Variants in BTLA observed in about 807,000 individuals in gnomAD.
BTLA encodes B- and T-lymphocyte attenuator.
In BTLA, 11 loss-of-function variants were observed where a neutral mutation model predicts 25.0. That is an observed-to-expected ratio of 0.44 (90% CI 0.28 to 0.73). The LOEUF is 0.73. Among genes scored for constraint, BTLA ranks in the 30% least tolerant of loss-of-function variants. BTLA has a pLI of 0.15. For synonymous variants in BTLA, 104 were observed against 119.8 expected, an observed-to-expected ratio of 0.87 and a Z score of 0.86; for missense variants, 282 against 332.8, an observed-to-expected ratio of 0.85 and a Z score of 1.19.
In BTLA at chr3:112,471,293, A is replaced by G; in HGVS notation, c.466T>C (p.Tyr156His). 8.7e-6 allele frequency: 14 copies of G among 1,614,062 alleles called. No homozygotes were observed. Among genetic ancestry groups the G allele is most frequent in the Non-Finnish European group, 1.1e-5 (13 of 1,179,924 alleles). Reference protein sequence around the residue: ...DEMASRPWLLYRLLPLGGLPL... With the variant: ...DEMASRPWLLHRLLPLGGLPL... ...AATCCCCCCAAAGGAAGTAAACGAT[A>G]CAGGAGCCAGGGTCTGCTTGCCATT... The change falls in exon 3 of 5, where the codon TAT (tyrosine) becomes CAT (histidine). Residue 156 changes from tyrosine to histidine, a missense_variant. Tyr to His is a moderately conservative substitution (Grantham distance 83, BLOSUM62 2). This residue lies in a region of BTLA where 163 missense variants were observed against 230.4 expected (regional missense o/e 0.71). Transcript: ENST00000334529.
rs1250500673 is a variant in BTLA, at chr3:112,465,462, T to G, written c.*646A>C. The G allele has an allele frequency of 6.6e-6, 1 of 152,664 alleles. No homozygotes were observed. The highest frequency in any genetic ancestry group is 2.4e-5 in the African/African-American group (1 of 41,464). The allele number at this position is 152,664 out of a possible 1,614,324, so 9.5% of individuals were successfully genotyped here. Reference sequence around the variant, plus strand: ...ATTAATACCTATATTTGCTTATCAATCTAACAGAGTAGATATAAGCATTTG... The same window carrying G: ...ATTAATACCTATATTTGCTTATCAAGCTAACAGAGTAGATATAAGCATTTG... On this transcript the variant is annotated 3_prime_UTR_variant, in exon 5 of 5. Coordinates refer to ENST00000334529, the MANE Select transcript of BTLA (RefSeq NM_181780.4).
At chr3:112,498,394 T>C (rs1490158132) in intron 1 of BTLA, among the ~76,000 whole-genome samples, 1 of 151,800 alleles carries the variant, frequency 6.6e-6, no homozygotes, top group East Asian at 1.9e-4. Context: ...GATCACGCCA[T>C]TGCACTCCAG....
At chr3:112,484,197 A>G (rs2082334084) in intron 1 of BTLA, among the ~76,000 whole-genome samples, 1 of 152,198 alleles carries the variant, frequency 6.6e-6, no homozygotes, top group South Asian at 2.1e-4. Context: ...TCATTGATAC[A>G]CAACTGGATC....
chr3:112,497,247 C>T (rs998073923), intron 1 of BTLA, among the ~76,000 whole-genome samples: 11 of 152,166 alleles, frequency 7.2e-5, no homozygotes, highest in Admixed American at 2.0e-4. Flanking sequence ...CGTGCACTTA[C>T]TATGCGAGGC....
intron 1 of BTLA, among the ~76,000 whole-genome samples, chr3:112,493,839 G>T (rs774157156): frequency 6.6e-6 from 1 of 152,188 alleles, no homozygotes; most frequent in South Asian, 2.1e-4. Flanking sequence ...CTGGCTGGGC[G>T]CGGTGGCTCA....
intron 1 of BTLA, among the ~76,000 whole-genome samples, chr3:112,494,685 A>G (rs1479211047): frequency 6.6e-6 from 1 of 152,228 alleles, no homozygotes; most frequent in Non-Finnish European, 1.5e-5. Context: ...GTTCTCACTC[A>G]TAAGTGGAAG....
At chr3:112,486,770 T>C (rs1248089898) in intron 1 of BTLA, among the ~76,000 whole-genome samples, 1 of 152,220 alleles carries the variant, frequency 6.6e-6, no homozygotes, top group Non-Finnish European at 1.5e-5. Context: ...TGAAATAAAG[T>C]TGCCAAGCCG....
rs74344423 is a variant in BTLA, at chr3:112,489,424, A to G, written c.89-9655T>C. ...ATTATTTCTTATTTTTAAATACCAT[A>G]TGTTTTGATTATAACCATTATCATG... is the stretch of plus-strand genomic sequence containing the variant. On this transcript the variant is annotated intron_variant, in intron 1 of 4. Coordinates refer to ENST00000334529, the MANE Select transcript of BTLA (RefSeq NM_181780.4). Among the ~76,000 whole-genome samples the G allele has an allele frequency of 3.2e-4, 48 of 152,318 alleles. 1 individual carries two copies. The East Asian group carries it at 8.5e-3, about 27-fold the overall frequency.
chr3:112,466,592 T>C (rs1054914432), intron 4 of BTLA, among the ~76,000 whole-genome samples: 2 of 152,216 alleles, frequency 1.3e-5, no homozygotes, highest in African/African-American at 2.4e-5. Flanking sequence ...ATGTCACCCC[T>C]AAATAGTTAT....
chr3:112,489,461 A>G (rs1237609010), intron 1 of BTLA, among the ~76,000 whole-genome samples: 1 of 152,200 alleles, frequency 6.6e-6, no homozygotes, highest in Non-Finnish European at 1.5e-5. Flanking sequence ...GGAAAATCTC[A>G]CCTGAGTTTC....
At chr3:112,479,890 T>C in intron 1 of BTLA, 121 bp from the exon 2 acceptor site, 1 of 745,402 alleles carries the variant, frequency 1.3e-6, no homozygotes, top group Non-Finnish European at 2.2e-6. Flanking sequence ...CAATTTCTAG[T>C]AATTAAGCCT....
chr3:112,491,016 G>A (rs1011573781), intron 1 of BTLA, among the ~76,000 whole-genome samples: 31 of 152,114 alleles, frequency 2.0e-4, no homozygotes, highest in African/African-American at 2.4e-5. Context: ...TTTAAGCTCT[G>A]TATCTCTTGA....
Position 112,466,179 on chromosome 3 carries a change from G to A in BTLA, c.799C>T (p.Pro267Ser), listed in dbSNP as rs758247730. ...YASLNHSVIG[P>S]NSRLARNVKE... ...ACATTTCTTGCCAGTCTTGAGTTCG[G>A]TCCAATGACAGAATGGTTCAGGGAA... The change falls in exon 5 of 5, where the codon CCG becomes TCG. Residue 267 changes from proline to serine, a missense_variant. This residue lies in a region of BTLA where 119 missense variants were observed against 102.3 expected (regional missense o/e 1.16). Transcript: ENST00000334529. The A allele has an allele frequency of 6.2e-7, 1 of 1,613,704 alleles. No homozygotes were observed. The highest frequency in any genetic ancestry group is 1.1e-5 in the South Asian group (1 of 91,006).
chr3:112,493,267 T>A (rs1324639793), intron 1 of BTLA, among the ~76,000 whole-genome samples: 1 of 152,198 alleles, frequency 6.6e-6, no homozygotes, highest in African/African-American at 2.4e-5. Context: ...TTGGCATTTT[T>A]CTCACAAAGT....
intron 2 of BTLA, among the ~76,000 whole-genome samples, chr3:112,478,990 T>C (rs56231377): frequency 0.022 from 3,347 of 151,930 alleles, 89 homozygotes; most frequent in African/African-American, 0.065. Context: ...AAACAAACTG[T>C]GAACTATTAA....
chr3:112,470,667 C>T (rs1403895862), intron 3 of BTLA, among the ~76,000 whole-genome samples: 1 of 152,186 alleles, frequency 6.6e-6, no homozygotes, highest in Admixed American at 6.5e-5. Context: ...GCCAAACCCA[C>T]ATTTTTCATA....
intron 3 of BTLA, 60 bp downstream of exon 3, chr3:112,471,152 C>T: frequency 1.3e-6 from 2 of 1,534,096 alleles, no homozygotes; most frequent in Non-Finnish European, 1.8e-6. Context: ...TCCTTTAGCC[C>T]CAGAAATAAG....
chr3:112,498,234 A>T (rs191931872), intron 1 of BTLA, among the ~76,000 whole-genome samples: 25 of 151,644 alleles, frequency 1.6e-4, no homozygotes, highest in Admixed American at 3.3e-4. Flanking sequence ...GGGTTATCCA[A>T]CATCTCTACT....
At chr3:112,478,863 C>A (rs1334601546) in intron 2 of BTLA, among the ~76,000 whole-genome samples, 1 of 152,064 alleles carries the variant, frequency 6.6e-6, no homozygotes, top group Non-Finnish European at 1.5e-5. Context: ...ATCTGTCCTT[C>A]CTCAGTTGTC....
Sources: gnomAD v4.1 joint callset for allele counts (sites outside exome capture counted in the v4.1 genomes callset) on GRCh38, gnomAD v4.1.1 for gene constraint, gnomAD v4.1.1 regional missense constraint, MANE v1.5 for transcripts, NCBI Gene and HGNC (gene_info 2026-07-23, HGNC 2026-07-21) for gene names.